Variants in ERC2 observed in about 807,000 individuals in gnomAD.
The protein encoded by ERC2 is ELKS/RAB6-interacting/CAST family member 2, also known as ERC protein 2.
Under a neutral mutation model 114.8 loss-of-function variants are expected in ERC2, and 42 were observed. The observed-to-expected ratio is 0.37, with a 90% CI of 0.29 to 0.47. ERC2 has a LOEUF of 0.47. Ranked by LOEUF, ERC2 falls within the 20% of genes least tolerant of loss-of-function variation. The probability of loss-of-function intolerance (pLI) is 0.99; values close to 1 mark genes in which losing one functional copy is unlikely to be tolerated. For missense variants in ERC2, 939 were observed against 1,150.7 expected (o/e 0.82, Z 2.66); for synonymous variants, 454 against 425.5 (o/e 1.07, Z -0.82).
At chr3:56,168,821 T>C (rs750945527) in intron 4 of ERC2, among the ~76,000 whole-genome samples, 9 of 152,236 alleles carry the variant, frequency 5.9e-5, no homozygotes, top group Non-Finnish European at 1.3e-4. Context: ...TGAAGTCTTA[T>C]TTTTATAACA....
At chr3:55,655,742 C>G (rs1344804305) in intron 17 of ERC2, among the ~76,000 whole-genome samples, 2 of 152,190 alleles carry the variant, frequency 1.3e-5, no homozygotes, top group African/African-American at 4.8e-5. Context: ...ATGGAACACT[C>G]AGGCCTAGAT....
At chr3:56,223,610 C>A (rs1274916429) in intron 3 of ERC2, among the ~76,000 whole-genome samples, 3 of 151,744 alleles carry the variant, frequency 2.0e-5, no homozygotes, top group African/African-American at 4.8e-5. Context: ...TTTAGCCCTG[C>A]AATGTATATA....
At chr3:56,449,908 G>T (rs1056219659) in intron 1 of ERC2, among the ~76,000 whole-genome samples, 4 of 152,222 alleles carry the variant, frequency 2.6e-5, no homozygotes, top group African/African-American at 4.8e-5. Flanking sequence ...ACTTAGCCCT[G>T]TCAGACACTT....
chr3:56,438,110 A>T (rs1277220430), intron 1 of ERC2, among the ~76,000 whole-genome samples: 1 of 152,168 alleles, frequency 6.6e-6, no homozygotes, highest in Non-Finnish European at 1.5e-5. Flanking sequence ...AAAACATAGA[A>T]ATTGACCTCC....
intron 3 of ERC2, among the ~76,000 whole-genome samples, chr3:56,268,912 G>A (rs1183813254): frequency 6.6e-6 from 1 of 152,146 alleles, no homozygotes; most frequent in Non-Finnish European, 1.5e-5. Context: ...GATTGTGCAT[G>A]ACTGTATATG....
At chr3:55,900,104 T>C (rs1357813462) in intron 13 of ERC2, among the ~76,000 whole-genome samples, 1 of 152,148 alleles carries the variant, frequency 6.6e-6, no homozygotes, top group African/African-American at 2.4e-5. Context: ...CCTTAGATTA[T>C]ACTGGTTATA....
At chr3:56,169,575 A>G (rs2082519760) in intron 4 of ERC2, among the ~76,000 whole-genome samples, 1 of 152,184 alleles carries the variant, frequency 6.6e-6, no homozygotes, top group South Asian at 2.1e-4. Flanking sequence ...GGAAGACAAG[A>G]TAAGGGATGG....
At chr3:56,065,232 T>C (rs1172126227) in intron 7 of ERC2, among the ~76,000 whole-genome samples, 3 of 152,228 alleles carry the variant, frequency 2.0e-5, no homozygotes, top group East Asian at 3.9e-4. Flanking sequence ...ATTTTTTTTC[T>C]TTATTTTATG....
At chr3:55,775,715 C>T (rs2068555740) in intron 14 of ERC2, among the ~76,000 whole-genome samples, 1 of 152,076 alleles carries the variant, frequency 6.6e-6, no homozygotes, top group Non-Finnish European at 1.5e-5. Flanking sequence ...GAGGGCCCTG[C>T]CCTGTCTTGA....
chr3:56,416,674 A>C (rs570877274), intron 2 of ERC2, among the ~76,000 whole-genome samples: 2 of 151,604 alleles, frequency 1.3e-5, no homozygotes, highest in South Asian at 2.1e-4. Flanking sequence ...AAAAAAAAAA[A>C]AAAAAAACTC....
chr3:56,317,667 GC>G (rs1291852543), intron 2 of ERC2, among the ~76,000 whole-genome samples: 5 of 152,128 alleles, frequency 3.3e-5, no homozygotes, highest in Non-Finnish European at 1.5e-5. Context: ...ACCCCTATGT[GC>G]CAGGCACTGG....
At chr3:55,602,363 T>C (rs2058442386) in intron 17 of ERC2, among the ~76,000 whole-genome samples, 1 of 152,178 alleles carries the variant, frequency 6.6e-6, no homozygotes, top group Admixed American at 6.5e-5. Flanking sequence ...ATAGTGAATG[T>C]CCACTGCAGG....
intron 6 of ERC2, among the ~76,000 whole-genome samples, chr3:56,102,271 C>T (rs556161382): frequency 1.2e-3 from 179 of 152,256 alleles, no homozygotes; most frequent in African/African-American, 4.2e-3. Flanking sequence ...ACCTTAGCTC[C>T]CACCCAAGAC....
intron 2 of ERC2, among the ~76,000 whole-genome samples, chr3:56,364,714 A>T (rs2059086278): frequency 6.6e-6 from 1 of 152,206 alleles, no homozygotes; most frequent in South Asian, 2.1e-4. Context: ...AATAATTGCC[A>T]TTTTTAAAAT....
chr3:55,672,391 G>A (rs1469070671), intron 17 of ERC2, among the ~76,000 whole-genome samples: 1 of 151,902 alleles, frequency 6.6e-6, no homozygotes, highest in South Asian at 2.1e-4. Flanking sequence ...GTGCACTGAG[G>A]AACACCTTAG....
At chr3:55,858,689 C>T (rs79990610) in intron 14 of ERC2, among the ~76,000 whole-genome samples, 1,887 of 152,330 alleles carry the variant, frequency 0.012, 16 homozygotes, top group Middle Eastern at 0.02. Context: ...TACTCTGCAA[C>T]ACACCTAGGC....
chr3:55,815,852 C>T (rs879600232), intron 14 of ERC2, among the ~76,000 whole-genome samples: 2 of 152,154 alleles, frequency 1.3e-5, no homozygotes, highest in Non-Finnish European at 2.9e-5. Context: ...GGAAAGGAAG[C>T]CAATGCAAAA....
intron 17 of ERC2, among the ~76,000 whole-genome samples, chr3:55,625,644 G>C (rs1336186152): frequency 6.6e-6 from 1 of 152,046 alleles, no homozygotes; most frequent in African/African-American, 2.4e-5. Context: ...CCAGCTACTC[G>C]GGAGGCTGAG....
chr3:56,168,461 T>G (rs2082439523), intron 4 of ERC2, among the ~76,000 whole-genome samples: 1 of 152,152 alleles, frequency 6.6e-6, no homozygotes, highest in Admixed American at 6.5e-5. Flanking sequence ...TTGGAGAAGA[T>G]GAATGAAATA....
Sources: allele counts gnomAD v4.1 joint callset (sites outside exome capture counted in the v4.1 genomes callset), GRCh38; gene constraint gnomAD v4.1.1; transcripts MANE v1.5; gene names NCBI Gene and HGNC (gene_info 2026-07-23, HGNC 2026-07-21).